Variants in LRMDA observed in about 807,000 individuals in gnomAD.
LRMDA encodes the protein leucine-rich melanocyte differentiation-associated protein.
In LRMDA, 18 loss-of-function variants were observed where a neutral mutation model predicts 29.8. That is an observed-to-expected ratio of 0.60 (90% CI 0.42 to 0.90). LRMDA has a LOEUF of 0.90. LRMDA is among the 40% of genes least tolerant of loss of function. LRMDA has a pLI of 0.00. For synonymous variants in LRMDA, 125 were observed against 109.4 expected, an observed-to-expected ratio of 1.14 and a Z score of -0.89; for missense variants, 273 against 273.9, an observed-to-expected ratio of 1.00 and a Z score of 0.02.
At chr10:76,192,868 A>G (rs768910246) in intron 5 of LRMDA, among the ~76,000 whole-genome samples, 50 of 152,264 alleles carry the variant, frequency 3.3e-4, no homozygotes, top group Non-Finnish European at 5.6e-4. Flanking sequence ...GCTCCGAACA[A>G]TGTGTTGTGA....
At chr10:75,437,339 C>T (rs1357026089) in intron 1 of LRMDA, among the ~76,000 whole-genome samples, 1 of 152,206 alleles carries the variant, frequency 6.6e-6, no homozygotes, top group Non-Finnish European at 1.5e-5. Context: ...CTCTCTCTCT[C>T]TCATTCTAAG....
At chr10:75,735,089 G>A (rs759209666) in intron 2 of LRMDA, among the ~76,000 whole-genome samples, 3 of 152,124 alleles carry the variant, frequency 2.0e-5, no homozygotes, top group African/African-American at 4.8e-5. Context: ...TTTGTCCTCC[G>A]TGTTCACTAG....
intron 5 of LRMDA, among the ~76,000 whole-genome samples, chr10:76,084,454 A>T (rs766567388): frequency 3.7e-5 from 5 of 136,858 alleles, no homozygotes; most frequent in Non-Finnish European, 7.6e-5. Context: ...ACCTCAAGTA[A>T]TCTGCCCACC....
chr10:75,710,873 G>T (rs952925858), intron 2 of LRMDA, among the ~76,000 whole-genome samples: 1 of 152,226 alleles, frequency 6.6e-6, no homozygotes, highest in Non-Finnish European at 1.5e-5. Context: ...GCAATGGGAC[G>T]CTGTGATTGA....
chr10:75,677,691 C>T (rs1841977345), intron 2 of LRMDA, among the ~76,000 whole-genome samples: 1 of 152,124 alleles, frequency 6.6e-6, no homozygotes, highest in Non-Finnish European at 1.5e-5. Flanking sequence ...GTTGCAGAAA[C>T]AGCAGAATTA....
intron 2 of LRMDA, among the ~76,000 whole-genome samples, chr10:75,663,492 G>A (rs16932534): frequency 0.031 from 4,655 of 152,258 alleles, 247 homozygotes; most frequent in African/African-American, 0.11. Flanking sequence ...CCTCGAGTGT[G>A]TTCTTATCTT....
chr10:76,146,252 C>G (rs1850316238), intron 5 of LRMDA, among the ~76,000 whole-genome samples: 1 of 151,924 alleles, frequency 6.6e-6, no homozygotes, highest in Non-Finnish European at 1.5e-5. Context: ...TCCTTGTTGA[C>G]TTTCTGTCTC....
intron 2 of LRMDA, among the ~76,000 whole-genome samples, chr10:75,849,075 C>T (rs1844688047): frequency 6.6e-6 from 1 of 152,176 alleles, no homozygotes; most frequent in African/African-American, 2.4e-5. Context: ...CTGATCTCTG[C>T]TGTGGCTCCA....
chr10:76,422,075 A>G (rs1176473829), intron 6 of LRMDA, among the ~76,000 whole-genome samples: 1 of 152,044 alleles, frequency 6.6e-6, no homozygotes, highest in East Asian at 1.9e-4. Context: ...GTAGTTTTTC[A>G]GGGTCCTCGC....
chr10:75,488,577 T>G (rs1470083791), intron 2 of LRMDA, among the ~76,000 whole-genome samples: 1 of 152,204 alleles, frequency 6.6e-6, no homozygotes, highest in Non-Finnish European at 1.5e-5. Flanking sequence ...TTAGCATTGT[T>G]GTTTTTTTCT....
At chr10:75,818,068 A>G (rs1416594749) in intron 2 of LRMDA, among the ~76,000 whole-genome samples, 1 of 152,222 alleles carries the variant, frequency 6.6e-6, no homozygotes. Flanking sequence ...TGGAGAAGTG[A>G]GAGGGATGTG....
intron 6 of LRMDA, among the ~76,000 whole-genome samples, chr10:76,470,858 G>A (rs1041014965): frequency 2.6e-5 from 4 of 151,776 alleles, no homozygotes; most frequent in African/African-American, 9.7e-5. Flanking sequence ...ACTGGTAATG[G>A]TTACACAAAA....
intron 2 of LRMDA, among the ~76,000 whole-genome samples, chr10:75,811,681 G>A (rs916068011): frequency 3.3e-5 from 5 of 152,224 alleles, no homozygotes; most frequent in Admixed American, 6.5e-5. Context: ...CTGAGGGCCC[G>A]AGAGGCAGTG....
intron 6 of LRMDA, among the ~76,000 whole-genome samples, chr10:76,369,792 C>A (rs1199159459): frequency 3.3e-5 from 5 of 152,108 alleles, no homozygotes; most frequent in African/African-American, 1.2e-4. Context: ...CTGGGAATTT[C>A]CTTTCATAAT....
At chr10:75,527,660 T>G (rs1845427858) in intron 2 of LRMDA, among the ~76,000 whole-genome samples, 1 of 147,960 alleles carries the variant, frequency 6.8e-6, no homozygotes, top group African/African-American at 2.5e-5. Flanking sequence ...TACTGTATAC[T>G]ATATAATTAT....
chr10:76,374,544 T>C (rs980078726), intron 6 of LRMDA, among the ~76,000 whole-genome samples: 2 of 152,160 alleles, frequency 1.3e-5, no homozygotes, highest in African/African-American at 4.8e-5. Context: ...TCTGAGTCAA[T>C]CAAAAGTTTC....
chr10:76,493,592 A>T (rs572890005), intron 6 of LRMDA, among the ~76,000 whole-genome samples: 20 of 152,146 alleles, frequency 1.3e-4, no homozygotes, highest in African/African-American at 4.8e-4. Context: ...TCTTTCATTA[A>T]CCTATATTTC....
chr10:75,745,206 G>A (rs1386237600), intron 2 of LRMDA, among the ~76,000 whole-genome samples: 2 of 152,134 alleles, frequency 1.3e-5, no homozygotes, highest in African/African-American at 4.8e-5. Flanking sequence ...CAATCTAACT[G>A]TAGATTTTTT....
At chr10:76,493,711 G>A (rs189358793) in intron 6 of LRMDA, among the ~76,000 whole-genome samples, 2 of 151,864 alleles carry the variant, frequency 1.3e-5, no homozygotes, top group East Asian at 1.9e-4. Context: ...AGTTGTTTTA[G>A]CTATTTTAGG....
Sources: gnomAD v4.1 joint callset for allele counts (sites outside exome capture counted in the v4.1 genomes callset) on GRCh38, gnomAD v4.1.1 for gene constraint, MANE v1.5 for transcripts, NCBI Gene and HGNC (gene_info 2026-07-23, HGNC 2026-07-21) for gene names.